Variants in GPATCH11 observed in about 807,000 individuals in gnomAD.
GPATCH11 encodes G patch domain-containing protein 11.
GPATCH11 carries 32 observed loss-of-function variants against 44.8 expected under a neutral mutation model. That is an observed-to-expected ratio of 0.71 (90% CI 0.54 to 0.96). The LOEUF is 0.96. Among genes scored for constraint, GPATCH11 ranks in the 40% least tolerant of loss-of-function variants. The pLI is 0.00. For synonymous variants in GPATCH11, 84 were observed against 94.4 expected (o/e 0.89, Z 0.64); for missense variants, 324 against 303.1 (o/e 1.07, Z -0.51).
In GPATCH11 at chr2:37,098,367, T is replaced by TAGAG. The variant is rs1258141580; in HGVS notation, c.*2105_*2106insGAGA. On this transcript the variant is annotated 3_prime_UTR_variant, in exon 9 of 9. Coordinates refer to ENST00000674370, the MANE Select transcript of GPATCH11 (RefSeq NM_174931.4). ...ATATATGTATGTATATATATATATA[T>TAGAG]ATAGAGAGAGAGAGAGAGAGAGAGC... 5.4e-4 allele frequency: 74 copies of TAGAG among 136,028 alleles called. No individual in the cohort carries two copies. Among genetic ancestry groups the TAGAG allele is most frequent in the African/African-American group, 1.3e-3 (47 of 36,662 alleles). The allele number at this position is 136,028 out of a possible 1,614,324, so 8.4% of individuals were successfully genotyped here. A position where few individuals can be genotyped will look rare whatever the true frequency, so the allele number is the denominator to read the frequency against.
chr2:37,094,106 T>C lies in GPATCH11; in HGVS notation c.565T>C (p.Trp189Arg), dbSNP rs1358968364. 1 of 1,598,908 alleles carries C rather than the reference T, an allele frequency of 6.3e-7. No homozygotes were observed. Among genetic ancestry groups the C allele is most frequent in the Non-Finnish European group, 8.5e-7 (1 of 1,171,956 alleles). The change falls in exon 7 of 9, where the codon TGG (tryptophan) becomes CGG (arginine). Residue 189 changes from tryptophan (W) to arginine (R), a missense_variant. Coordinates refer to ENST00000674370, the MANE Select transcript of GPATCH11 (RefSeq NM_174931.4). ...GAATATTCAGGTTCCCAGGGAAGCA[T>C]GGTACTGGTTGAGGCTTGAAGAGGA... Reference protein sequence around the residue: ...QKNIQVPREAWYWLRLEEETE... With the variant: ...QKNIQVPREARYWLRLEEETE...
Position 37,089,653 on chromosome 2 carries a change from C to G in GPATCH11, c.73C>G (p.Pro25Ala), listed in dbSNP as rs1322782916. The G allele has an allele frequency of 2.6e-6, 4 of 1,550,256 alleles. No homozygotes were observed. The Admixed American group carries it at 7.9e-5, about 30-fold the overall frequency. The change falls in exon 3 of 9, where the codon CCA becomes GCA. Residue 25 changes from proline (P) to alanine (A), a missense_variant. By Grantham distance (27) the Pro-to-Ala change is conservative. Coordinates refer to ENST00000674370, the MANE Select transcript of GPATCH11 (RefSeq NM_174931.4). ...TCCCTTATTCAGAGAAGATATCAGA[C>G]CAGGATTGCCAATGCTAAGGCAAAT... ...SFINVQEDIR[P>A]GLPMLRQIRE...
chr2:37,089,582 A>T (rs1673210441), intron 2 of GPATCH11, 58 bp from the exon 3 acceptor site: 9 of 1,281,140 alleles, frequency 7.0e-6, no homozygotes, highest in South Asian at 5.6e-5. Flanking sequence ...AATAAAAAAA[A>T]AAAAAAAGAA....
rs755759267 is a variant in GPATCH11, at chr2:37,092,248, TC to T, written c.535del (p.Gln179ArgfsTer14). 1.3e-5 allele frequency: 19 copies of T among 1,475,578 alleles called. No homozygotes were observed. Among genetic ancestry groups the T allele is most frequent in the Non-Finnish European group, 1.7e-5 (19 of 1,114,930 alleles). 91.4% of individuals were successfully genotyped at this position (1,475,578 alleles called of 1,614,324 possible). On this transcript the variant is annotated frameshift_variant, in exon 6 of 9. Transcript: ENST00000674370. LOFTEE classifies it high-confidence loss of function. ...RSQRACQQLDVQKNIQVPREA... is the reference protein window; with the variant it reads ...RSQRACQQLDXQKNIQVPREA... ...CAGCGAGCCTGTCAACAACTGGATG[TC>T]CAGAAAGTAAGCCTTTTACCAGCTT...
At position 37,098,173 on chromosome 2, in the gene GPATCH11, A is replaced by G. The variant is rs892256417; in HGVS notation, c.*1910A>G. On this transcript the variant is annotated 3_prime_UTR_variant, in exon 9 of 9. Transcript: ENST00000674370. ...CCCCATCTCTACTAAAAATACAAAA[A>G]TTAGCTGGGCGTGGTGGCATTCGCC... 6.6e-6 allele frequency: 1 copy of G among 151,862 alleles called. No individual in the cohort carries two copies. Among genetic ancestry groups the G allele is most frequent in the African/African-American group, 2.4e-5 (1 of 41,324 alleles). 9.4% of individuals were successfully genotyped at this position (151,862 alleles called of 1,614,324 possible).
chr2:37,091,862 T>C, intron 4 of GPATCH11, 54 bp from the exon 5 acceptor site: 1 of 1,556,942 alleles, frequency 6.4e-7, no homozygotes, highest in Non-Finnish European at 8.7e-7. Context: ...TAAATCGTCT[T>C]GTTTTGAAGC....
At chr2:37,084,695 GGGAC>G (rs1672888709) in intron 1 of GPATCH11, 125 bp downstream of exon 1, 1 of 738,016 alleles carries the variant, frequency 1.4e-6, no homozygotes, top group Non-Finnish European at 1.9e-6. Context: ...TTGCGTCTGT[GGGAC>G]GCTTGCAGCC....
chr2:37,088,785 G>A (rs3856498), intron 2 of GPATCH11, among the ~76,000 whole-genome samples: 132,139 of 152,246 alleles, frequency 0.87, 58,687 homozygotes, highest in East Asian at 1. Context: ...GCCTCCCAAA[G>A]TGCTAGGATT....
At chr2:37,092,398 AT>A (rs200303273) in intron 6 of GPATCH11, 143 bp downstream of exon 6, 7,818 of 175,184 alleles carry the variant, frequency 0.045, 204 homozygotes, top group Non-Finnish European at 0.052. Flanking sequence ...TGTATTACAT[AT>A]ATTTATATGT....
chr2:37,093,494 T>C (rs933237615), intron 6 of GPATCH11, among the ~76,000 whole-genome samples: 3 of 152,208 alleles, frequency 2.0e-5, no homozygotes, highest in African/African-American at 7.2e-5. Flanking sequence ...TTCTTACATA[T>C]TACTTTACTT....
rs1482806892 is a variant in GPATCH11 at position 37,097,611 on chromosome 2, TGTTA to T, written c.*1354_*1357del. 8 of 152,348 alleles carry T rather than the reference TGTTA, an allele frequency of 5.3e-5. No homozygotes were observed. The East Asian group carries it at 9.6e-4, about 18-fold the overall frequency. 9.4% of individuals were successfully genotyped at this position (152,348 alleles called of 1,614,324 possible). A position where few individuals can be genotyped will look rare whatever the true frequency, so the allele number is the denominator to read the frequency against. On this transcript the variant is annotated 3_prime_UTR_variant, in exon 9 of 9. Transcript: ENST00000674370. ...CACCTGTGTGATTTTATAGCTCACC[TGTTA>T]GTTAGATTGAGCAAGAGAACAACCC...
chr2:37,091,228 G>A (rs1003743280), intron 4 of GPATCH11, among the ~76,000 whole-genome samples: 2 of 152,076 alleles, frequency 1.3e-5, no homozygotes, highest in African/African-American at 4.8e-5. Context: ...GGAGGCTGAG[G>A]CAGGAGAATC....
chr2:37,088,262 T>C (rs1572976198), intron 1 of GPATCH11, 107 bp from the exon 2 acceptor site: 3 of 473,280 alleles, frequency 6.3e-6, no homozygotes, highest in Admixed American at 3.7e-5. Context: ...CAAAGGGCAC[T>C]TGAATATATA....
chr2:37,096,308 CT>C lies in GPATCH11; in HGVS notation c.*46del, dbSNP rs1558399340. On this transcript the variant is annotated 3_prime_UTR_variant, in exon 9 of 9. Coordinates refer to ENST00000674370, the MANE Select transcript of GPATCH11 (RefSeq NM_174931.4). ...GAAACTTGAAAAATGTTATTACTTC[CT>C]AGGGATAGACAATTTAGCAGTTGGA... 2 of 1,233,244 alleles carry C rather than the reference CT, an allele frequency of 1.6e-6. No homozygotes were observed. Among genetic ancestry groups the C allele is most frequent in the Non-Finnish European group, 2.3e-6 (2 of 868,998 alleles). The allele number at this position is 1,233,244 out of a possible 1,614,324, so 76.4% of individuals were successfully genotyped here.
chr2:37,094,942 CAAAA>C (rs200157191), intron 7 of GPATCH11, among the ~76,000 whole-genome samples: 5 of 65,470 alleles, frequency 7.6e-5, no homozygotes, highest in Admixed American at 1.7e-4. Flanking sequence ...CCCTGTCTCA[CAAAA>C]AAAAAAAAAA....
At chr2:37,088,304 A>G in intron 1 of GPATCH11, 65 bp from the exon 2 acceptor site, 1 of 715,408 alleles carries the variant, frequency 1.4e-6, no homozygotes, top group South Asian at 2.2e-5. Context: ...ATGGCTGCAG[A>G]TACAGAAAGG....
chr2:37,096,547 C>A lies in GPATCH11; in HGVS notation c.*284C>A. 3.3e-6 allele frequency: 1 copy of A among 299,054 alleles called. No homozygotes were observed. Among genetic ancestry groups the A allele is most frequent in the Non-Finnish European group, 6.2e-6 (1 of 162,138 alleles). The allele number at this position is 299,054 out of a possible 1,614,324, so 18.5% of individuals were successfully genotyped here. On this transcript the variant is annotated 3_prime_UTR_variant, in exon 9 of 9. Coordinates refer to ENST00000674370, the MANE Select transcript of GPATCH11 (RefSeq NM_174931.4). ...CACCAACAGGTAACTTCTTATTCCC[C>A]TCTTCACTTTGGAACAAATTGAGAA...
intron 1 of GPATCH11, among the ~76,000 whole-genome samples, chr2:37,087,709 C>G (rs1214817629): frequency 6.6e-6 from 1 of 152,090 alleles, no homozygotes; most frequent in African/African-American, 2.4e-5. Context: ...GGGAGGGTAG[C>G]CTTGGCCTAC....
In GPATCH11 at chr2:37,096,250, C is replaced by A. The variant is rs1477610652; in HGVS notation, c.779C>A (p.Ala260Glu). 6.3e-7 allele frequency: 1 copy of A among 1,581,414 alleles called. No individual in the cohort carries two copies. Among genetic ancestry groups the A allele is most frequent in the Non-Finnish European group, 8.6e-7 (1 of 1,159,396 alleles). The part of the protein sequence containing the change: ...LSSNCPGPTS[A>E]DHD ...TCAAATTGTCCAGGACCAACTTCTG[C>A]AGATCATGACTAAGATTATTCCCAA... Residue 260 changes from alanine to glutamate, a missense_variant, in exon 9 of 9, where the codon GCA becomes GAA. Physicochemically the swap from Ala to Glu is moderately radical, Grantham distance 107. Coordinates refer to ENST00000674370, the MANE Select transcript of GPATCH11 (RefSeq NM_174931.4).
Sources: allele counts gnomAD v4.1 joint callset (sites outside exome capture counted in the v4.1 genomes callset), GRCh38; gene constraint gnomAD v4.1.1; transcripts MANE v1.5; gene names NCBI Gene and HGNC (gene_info 2026-07-23, HGNC 2026-07-21).